The following ITPK1 variants were observed in gnomAD, a reference collection of about 807,000 sequenced individuals.
The protein encoded by ITPK1 is inositol 1,3,4-trisphosphate 5/6-kinase.
Under a neutral mutation model 45.3 loss-of-function variants are expected in ITPK1, and 21 were observed. The ratio of observed to expected loss-of-function variants is 0.46; its 90% CI spans 0.33 to 0.67. ITPK1 has a LOEUF of 0.67. ITPK1 is among the 30% of genes least tolerant of loss of function. The pLI, the probability that ITPK1 is intolerant of heterozygous loss-of-function variation, is 0.02. For synonymous variants in ITPK1, 258 were observed against 253.6 expected (o/e 1.02, Z -0.16); for missense variants, 474 against 573.5 (o/e 0.83, Z 1.77).
intron 10 of ITPK1, among the ~76,000 whole-genome samples, chr14:92,942,315 T>C (rs139755912): frequency 3.9e-5 from 6 of 152,154 alleles, no homozygotes; most frequent in African/African-American, 1.2e-4. Context: ...CTTGGAGTAA[T>C]AAATACTCCT....
chr14:93,081,730 C>T (rs906301651), intron 2 of ITPK1, among the ~76,000 whole-genome samples: 2 of 152,200 alleles, frequency 1.3e-5, no homozygotes, highest in Non-Finnish European at 2.9e-5. Flanking sequence ...GTGAGTCCTG[C>T]GCCCTCCCCA....
At chr14:92,962,695 A>T in intron 6 of ITPK1, 56 bp downstream of exon 6, 1 of 1,328,616 alleles carries the variant, frequency 7.5e-7, no homozygotes, top group Non-Finnish European at 1.1e-6. Context: ...CCCCTCCCCT[A>T]TGCTGGCCTG....
chr14:92,959,925 A>G (rs1044395142), intron 7 of ITPK1, among the ~76,000 whole-genome samples: 3 of 152,320 alleles, frequency 2.0e-5, no homozygotes, highest in African/African-American at 7.2e-5. Flanking sequence ...GATCAGAAGC[A>G]CCTGCTGCCC....
intron 3 of ITPK1, among the ~76,000 whole-genome samples, chr14:93,075,093 G>A (rs1235227749): frequency 2.0e-5 from 3 of 152,016 alleles, no homozygotes; most frequent in African/African-American, 4.8e-5. Flanking sequence ...TTGGAAGGCC[G>A]AGGTGGGTGG....
At chr14:92,982,111 G>T (rs1389885607) in intron 5 of ITPK1, among the ~76,000 whole-genome samples, 7 of 152,242 alleles carry the variant, frequency 4.6e-5, no homozygotes, top group Non-Finnish European at 2.9e-5. Context: ...CTGGAGAGAT[G>T]CAATGATAGC....
intron 3 of ITPK1, among the ~76,000 whole-genome samples, chr14:93,022,576 G>C (rs974673494): frequency 3.3e-5 from 5 of 150,220 alleles, no homozygotes; most frequent in Admixed American, 3.3e-4. Flanking sequence ...ACAGTGGCAT[G>C]ATCTCCACTC....
chr14:92,998,341 T>C (rs1316670560), intron 4 of ITPK1, among the ~76,000 whole-genome samples: 1 of 152,176 alleles, frequency 6.6e-6, no homozygotes, highest in Admixed American at 6.5e-5. Flanking sequence ...GCTGTGCCCA[T>C]GGAAGGGGGC....
chr14:93,051,636 A>G (rs1333082764), intron 3 of ITPK1, among the ~76,000 whole-genome samples: 3 of 151,994 alleles, frequency 2.0e-5, no homozygotes, highest in Middle Eastern at 3.2e-3. Context: ...AAAAAAAAGA[A>G]AGAGCTGCTC....
At chr14:93,100,245 G>C (rs918592980) in intron 2 of ITPK1, among the ~76,000 whole-genome samples, 8 of 152,234 alleles carry the variant, frequency 5.3e-5, no homozygotes, top group African/African-American at 1.9e-4. Context: ...ATGAGGGATG[G>C]GGGACCCTGG....
intron 2 of ITPK1, among the ~76,000 whole-genome samples, chr14:93,111,631 A>C (rs1173366947): frequency 6.6e-6 from 1 of 151,626 alleles, no homozygotes; most frequent in Non-Finnish European, 1.5e-5. Context: ...GAATAGCTTG[A>C]ACCTGGGAGG....
At chr14:93,013,113 G>A (rs908072225) in intron 4 of ITPK1, among the ~76,000 whole-genome samples, 17 of 152,184 alleles carry the variant, frequency 1.1e-4, no homozygotes. Context: ...TGCCCACGTG[G>A]GCAGGCCCTG....
At chr14:93,022,014 C>T (rs1466979103) in intron 3 of ITPK1, among the ~76,000 whole-genome samples, 1 of 152,184 alleles carries the variant, frequency 6.6e-6, no homozygotes, top group East Asian at 1.9e-4. Context: ...AACTAAATGG[C>T]CTGAGGATGG....
At chr14:93,042,960 G>C (rs1298262563) in intron 3 of ITPK1, among the ~76,000 whole-genome samples, 1 of 152,128 alleles carries the variant, frequency 6.6e-6, no homozygotes, top group African/African-American at 2.4e-5. Context: ...GGAGGTTGTA[G>C]TGAGCCAAGA....
In ITPK1 at chr14:93,005,253, G is replaced by A. The variant is rs116751225; in HGVS notation, c.247-11256C>T. 2.8e-3 allele frequency among the ~76,000 whole-genome samples: 422 copies of A among 152,242 alleles called. 2 individuals are homozygous for A. The highest frequency in any genetic ancestry group is 9.6e-3 in the African/African-American group (397 of 41,536). On this transcript the variant is annotated intron_variant, in intron 4 of 10. Coordinates refer to ENST00000267615, the MANE Select transcript of ITPK1 (RefSeq NM_014216.6). ...ATGGGCTGCCTTCATCTTTTATACA[G>A]TGATCTCTGTGATTTGGTAGAGCTG...
At position 92,941,548 on chromosome 14, in the gene ITPK1, C is replaced by G; in HGVS notation, c.*13G>C. Reference sequence around the variant, plus strand: ...TGCGCCCTGCGCTGCCCCTCTGGGTCCCGGCTCCGTGGCTACTGGGAGGAG... The same window carrying G: ...TGCGCCCTGCGCTGCCCCTCTGGGTGCCGGCTCCGTGGCTACTGGGAGGAG... On this transcript the variant is annotated 3_prime_UTR_variant, in exon 11 of 11. Transcript: ENST00000267615. 6.6e-7 allele frequency: 1 copy of G among 1,522,258 alleles called. No individual in the cohort carries two copies. The highest frequency in any genetic ancestry group is 8.8e-7 in the Non-Finnish European group (1 of 1,140,332). The allele number at this position is 1,522,258 out of a possible 1,614,324, so 94.3% of individuals were successfully genotyped here.
At chr14:92,950,062 G>A (rs1887884929) in intron 9 of ITPK1, among the ~76,000 whole-genome samples, 1 of 152,228 alleles carries the variant, frequency 6.6e-6, no homozygotes, top group South Asian at 2.1e-4. Context: ...TCAGAGAGGC[G>A]ACGCGACTCG....
At chr14:92,992,369 C>T (rs1478586322) in intron 5 of ITPK1, among the ~76,000 whole-genome samples, 1 of 152,238 alleles carries the variant, frequency 6.6e-6, no homozygotes, top group African/African-American at 2.4e-5. Flanking sequence ...CTCTTTCTTC[C>T]CATCTGGGAT....
chr14:93,029,613 C>T (rs78219909), intron 3 of ITPK1, among the ~76,000 whole-genome samples: 4,051 of 152,170 alleles, frequency 0.027, 98 homozygotes, highest in Admixed American at 0.085. Context: ...TTAGCCAAGC[C>T]GGCAGGCCAC....
intron 5 of ITPK1, among the ~76,000 whole-genome samples, chr14:92,972,105 G>A (rs555727451): frequency 8.5e-4 from 130 of 152,234 alleles, no homozygotes; most frequent in African/African-American, 2.9e-3. Flanking sequence ...ACAAACCACC[G>A]TCCTACAGCT....
Sources: gnomAD v4.1 joint callset for allele counts (sites outside exome capture counted in the v4.1 genomes callset) on GRCh38, gnomAD v4.1.1 for gene constraint, MANE v1.5 for transcripts, NCBI Gene and HGNC (gene_info 2026-07-23, HGNC 2026-07-21) for gene names.